The following NRG1 variants were observed in gnomAD, a reference collection of about 807,000 sequenced individuals.
NRG1 encodes neuregulin 1, also known as pro-neuregulin-1, membrane-bound isoform.
NRG1 carries 18 observed loss-of-function variants against 63.8 expected under a neutral mutation model. The observed-to-expected ratio is 0.28, with a 90% CI of 0.19 to 0.42. NRG1 has a LOEUF of 0.42. Among genes scored for constraint, NRG1 ranks in the 10% least tolerant of loss-of-function variants. The pLI, the probability that NRG1 is intolerant of heterozygous loss-of-function variation, is 1.00. For synonymous variants in NRG1, 302 were observed against 301.3 expected, an observed-to-expected ratio of 1.00 and a Z score of -0.02; for missense variants, 762 against 814.7, an observed-to-expected ratio of 0.94 and a Z score of 0.79.
At chr8:32,488,009 ACT>A (rs1826113460) in intron 1 of NRG1, among the ~76,000 whole-genome samples, 1 of 152,084 alleles carries the variant, frequency 6.6e-6, no homozygotes. Flanking sequence ...CTTTCTGGAG[ACT>A]GTGGTTTCTT....
intron 1 of NRG1, among the ~76,000 whole-genome samples, chr8:31,976,579 C>A (rs963183524): frequency 6.6e-6 from 1 of 151,894 alleles, no homozygotes; most frequent in Non-Finnish European, 1.5e-5. Flanking sequence ...TTTGTTTTTC[C>A]AACTTTATTA....
intron 1 of NRG1, among the ~76,000 whole-genome samples, chr8:32,122,741 A>G (rs1442169935): frequency 6.6e-6 from 1 of 151,820 alleles, no homozygotes; most frequent in Non-Finnish European, 1.5e-5. Context: ...GTCATTTAGC[A>G]TTAGGTATAT....
At chr8:31,812,566 TCCCTTCCTCCTC>T (rs942853992) in intron 1 of NRG1, among the ~76,000 whole-genome samples, 9 of 151,848 alleles carry the variant, frequency 5.9e-5, no homozygotes, top group Non-Finnish European at 1.0e-4. Flanking sequence ...CCTTCCTCCT[TCCCTTCCTCCTC>T]CCCTTCCTCC....
At chr8:32,063,898 G>A (rs1824303180) in intron 1 of NRG1, among the ~76,000 whole-genome samples, 2 of 151,938 alleles carry the variant, frequency 1.3e-5, no homozygotes, top group African/African-American at 4.8e-5. Flanking sequence ...CAGGTCCTGG[G>A]TGGGGGCAGT....
chr8:32,245,482 G>A lies in NRG1; in HGVS notation c.38-350346G>A, dbSNP rs1848512214. Among the ~76,000 whole-genome samples, 3 of 152,086 alleles carry A rather than the reference G, an allele frequency of 2.0e-5. No individual in the cohort carries two copies. In the South Asian group the frequency reaches 6.2e-4, roughly 31 times the overall value. On this transcript the variant is annotated intron_variant, in intron 1 of 10. Transcript: ENST00000519301. ...AGGGGAAGTCATTTAAATCATTCCA[G>A]ACAAGTCAGAATTTGCATATGTATC...
intron 1 of NRG1, among the ~76,000 whole-genome samples, chr8:31,981,412 T>A (rs959522650): frequency 4.6e-5 from 7 of 151,898 alleles, no homozygotes; most frequent in African/African-American, 1.7e-4. Flanking sequence ...TCTTCAACAA[T>A]CACCCTGGAA....
At chr8:32,218,483 T>C (rs1196785464) in intron 1 of NRG1, among the ~76,000 whole-genome samples, 1 of 152,260 alleles carries the variant, frequency 6.6e-6, no homozygotes, top group Non-Finnish European at 1.5e-5. Context: ...TAAAGTCTGA[T>C]AATTTAATTT....
intron 5 of NRG1, among the ~76,000 whole-genome samples, chr8:32,702,388 T>C (rs922628987): frequency 6.6e-6 from 1 of 152,380 alleles, no homozygotes; most frequent in East Asian, 1.9e-4. Context: ...CAAGTAAATC[T>C]GCTGAAATAA....
At chr8:32,088,973 C>T (rs1193499484) in intron 1 of NRG1, among the ~76,000 whole-genome samples, 3 of 152,178 alleles carry the variant, frequency 2.0e-5, no homozygotes, top group Non-Finnish European at 4.4e-5. Flanking sequence ...TGCACTGCCT[C>T]CCACACATGG....
At chr8:32,572,005 C>T (rs1838687567) in intron 1 of NRG1, among the ~76,000 whole-genome samples, 1 of 152,126 alleles carries the variant, frequency 6.6e-6, no homozygotes, top group South Asian at 2.1e-4. Context: ...GCTTTTTGTC[C>T]TTTTATGTTC....
At chr8:32,559,390 T>G (rs567235227) in intron 1 of NRG1, among the ~76,000 whole-genome samples, 1 of 152,272 alleles carries the variant, frequency 6.6e-6, no homozygotes, top group South Asian at 2.1e-4. Context: ...ATGGTACATT[T>G]GTAACTAAAA....
chr8:31,964,515 A>T (rs1805997031), intron 1 of NRG1, among the ~76,000 whole-genome samples: 1 of 152,102 alleles, frequency 6.6e-6, no homozygotes, highest in African/African-American at 2.4e-5. Context: ...AAAATTAAAA[A>T]CTACCTGGGC....
At chr8:32,617,471 T>TAAC (rs1847582358) in intron 5 of NRG1, among the ~76,000 whole-genome samples, 1 of 152,252 alleles carries the variant, frequency 6.6e-6, no homozygotes, top group South Asian at 2.1e-4. Context: ...TGGACTTCTA[T>TAAC]AACTGTTAGA....
At chr8:32,183,086 G>A (rs1368878872) in intron 1 of NRG1, among the ~76,000 whole-genome samples, 1 of 152,132 alleles carries the variant, frequency 6.6e-6, no homozygotes, top group Non-Finnish European at 1.5e-5. Flanking sequence ...AAAAGGGGAA[G>A]GAAAGAACTC....
chr8:32,619,852 G>A (rs559750737), intron 5 of NRG1, among the ~76,000 whole-genome samples: 7 of 151,846 alleles, frequency 4.6e-5, no homozygotes, highest in East Asian at 1.9e-4. Flanking sequence ...TAGATTCAGC[G>A]GGTACATTGG....
intron 1 of NRG1, among the ~76,000 whole-genome samples, chr8:32,511,396 T>A (rs201293013): frequency 1.5e-5 from 2 of 136,876 alleles, no homozygotes; most frequent in African/African-American, 5.3e-5. Context: ...TATATATATA[T>A]ATAAATAAAA....
At chr8:32,028,483 C>A (rs1817796136) in intron 1 of NRG1, among the ~76,000 whole-genome samples, 1 of 152,144 alleles carries the variant, frequency 6.6e-6, no homozygotes, top group Non-Finnish European at 1.5e-5. Flanking sequence ...GACTTAGTTT[C>A]CTCATCTGTA....
At chr8:31,885,926 G>A (rs1026807376) in intron 1 of NRG1, among the ~76,000 whole-genome samples, 1 of 152,046 alleles carries the variant, frequency 6.6e-6, no homozygotes, top group Admixed American at 6.6e-5. Context: ...GGTTGAAATG[G>A]AGACAGAGCA....
At chr8:32,571,901 C>T (rs531999426) in intron 1 of NRG1, among the ~76,000 whole-genome samples, 6 of 149,776 alleles carry the variant, frequency 4.0e-5, no homozygotes, top group East Asian at 1.9e-4. Flanking sequence ...CAAATATACA[C>T]ACATGGCCAT....
Sources: allele counts gnomAD v4.1 joint callset (sites outside exome capture counted in the v4.1 genomes callset), GRCh38; gene constraint gnomAD v4.1.1; transcripts MANE v1.5; gene names NCBI Gene and HGNC (gene_info 2026-07-23, HGNC 2026-07-21).